The following JAKMIP2 variants were observed in gnomAD, a reference collection of about 807,000 sequenced individuals.
JAKMIP2 encodes the protein janus kinase and microtubule interacting protein 2, also known as janus kinase and microtubule-interacting protein 2.
In JAKMIP2, 25 loss-of-function variants were observed where a neutral mutation model predicts 115.0. The ratio of observed to expected loss-of-function variants is 0.22; its 90% CI spans 0.16 to 0.30. The LOEUF is 0.30. Ranked by LOEUF, JAKMIP2 falls within the 10% of genes least tolerant of loss-of-function variation. JAKMIP2 has a pLI of 1.00. For synonymous variants in JAKMIP2, 334 were observed against 343.6 expected (o/e 0.97, Z 0.31); for missense variants, 642 against 957.6 (o/e 0.67, Z 4.35).
chr5:147,768,787 A>T (rs1436899946), intron 1 of JAKMIP2, among the ~76,000 whole-genome samples: 1 of 152,194 alleles, frequency 6.6e-6, no homozygotes. Context: ...TTTATGGCAA[A>T]TGTTAAAGTA....
chr5:147,589,600 C>T lies in JAKMIP2; in HGVS notation c.*2107G>A, dbSNP rs887886770. On this transcript the variant is annotated 3_prime_UTR_variant, in exon 22 of 22. Coordinates refer to ENST00000616793, the MANE Select transcript of JAKMIP2 (RefSeq NM_001270941.2). ...AAGCCTTTGTTTAATGACTGGCTCT[C>T]CTGTGGTAAAAGTGGGGTTCTGTAT... is the stretch of plus-strand genomic sequence containing the variant. The T allele has an allele frequency of 1.3e-5, 2 of 152,104 alleles. No homozygotes were observed. 9.4% of individuals were successfully genotyped at this position (152,104 alleles called of 1,614,324 possible). A position where few individuals can be genotyped will look rare whatever the true frequency, so the allele number is the denominator to read the frequency against.
chr5:147,661,946 G>C (rs917519808), intron 2 of JAKMIP2: 2 of 154,542 alleles, frequency 1.3e-5, no homozygotes, highest in African/African-American at 4.8e-5. Flanking sequence ...ACTGATAAAT[G>C]TGTGTCTTAG....
rs1754940778 is a variant in JAKMIP2 at position 147,587,900 on chromosome 5, G to C, written c.*3807C>G. ...CCTTCTATATCAGCTCTACCTTATGGACTTGGGAAGACACATACAACCTGT... is the reference window on the plus strand; with the variant it reads ...CCTTCTATATCAGCTCTACCTTATGCACTTGGGAAGACACATACAACCTGT... On this transcript the variant is annotated 3_prime_UTR_variant, in exon 22 of 22. Transcript: ENST00000616793. 1 of 149,728 alleles carries C rather than the reference G, an allele frequency of 6.7e-6. No homozygotes were observed. Among genetic ancestry groups the C allele is most frequent in the Non-Finnish European group, 1.5e-5 (1 of 67,800 alleles). The allele number at this position is 149,728 out of a possible 1,614,324, so 9.3% of individuals were successfully genotyped here.
intron 1 of JAKMIP2, among the ~76,000 whole-genome samples, chr5:147,700,338 A>G (rs1335622390): frequency 6.6e-6 from 1 of 152,170 alleles, no homozygotes; most frequent in African/African-American, 2.4e-5. Context: ...AATTAAATGG[A>G]TGGTAAACAT....
intron 1 of JAKMIP2, among the ~76,000 whole-genome samples, chr5:147,774,063 C>A (rs1755464810): frequency 6.6e-6 from 1 of 152,022 alleles, no homozygotes; most frequent in South Asian, 2.1e-4. Context: ...AAAAAGAAGT[C>A]AAAATTCAAA....
rs567431719 is a variant in JAKMIP2 at position 147,621,338 on chromosome 5, C to CA, written c.2065-596dup. ...GCTTCTCATATTATCAGCATCTTGC[C>CA]ATTAGCACTTAAAACTATATTTTGG... On this transcript the variant is annotated intron_variant, in intron 17 of 21. Transcript: ENST00000616793. Among the ~76,000 whole-genome samples, 45 of 152,314 alleles carry CA rather than the reference C, an allele frequency of 3.0e-4. 1 individual carries two copies. The East Asian group carries it at 8.7e-3, about 29-fold the overall frequency.
At chr5:147,766,837 G>A (rs1755174101) in intron 1 of JAKMIP2, among the ~76,000 whole-genome samples, 1 of 152,156 alleles carries the variant, frequency 6.6e-6, no homozygotes. Flanking sequence ...CTTCCTGAAT[G>A]TGCAAGTGCA....
intron 1 of JAKMIP2, among the ~76,000 whole-genome samples, chr5:147,723,126 C>G (rs1013326934): frequency 6.6e-6 from 1 of 152,054 alleles, no homozygotes; most frequent in Non-Finnish European, 1.5e-5. Context: ...GTTGGCTTTC[C>G]TAAGCTACTT....
At chr5:147,772,878 G>C (rs1011979896) in intron 1 of JAKMIP2, among the ~76,000 whole-genome samples, 1 of 151,996 alleles carries the variant, frequency 6.6e-6, no homozygotes, top group Non-Finnish European at 1.5e-5. Context: ...TCACCAGCCT[G>C]CTGTGAGAAC....
intron 1 of JAKMIP2, among the ~76,000 whole-genome samples, chr5:147,763,860 A>G (rs1755018778): frequency 6.6e-6 from 1 of 152,156 alleles, no homozygotes; most frequent in African/African-American, 2.4e-5. Flanking sequence ...GATGTTTGCT[A>G]CCACAAAAAT....
chr5:147,606,916 G>T (rs1292292366), intron 20 of JAKMIP2, among the ~76,000 whole-genome samples: 1 of 152,036 alleles, frequency 6.6e-6, no homozygotes, highest in Non-Finnish European at 1.5e-5. Flanking sequence ...TGTATTCCTA[G>T]GTATTTTATT....
chr5:147,730,873 T>C (rs1422562119), intron 1 of JAKMIP2, among the ~76,000 whole-genome samples: 1 of 152,210 alleles, frequency 6.6e-6, no homozygotes, highest in African/African-American at 2.4e-5. Context: ...TTCTTGGCTA[T>C]ACATTCCCAC....
In JAKMIP2 at chr5:147,591,549, A is replaced by G; in HGVS notation, c.*158T>C. The G allele has an allele frequency of 1.3e-6, 1 of 795,696 alleles. No homozygotes were observed. Among genetic ancestry groups the G allele is most frequent in the Non-Finnish European group, 2.1e-6 (1 of 467,536 alleles). 49.3% of individuals were successfully genotyped at this position (795,696 alleles called of 1,614,324 possible). On this transcript the variant is annotated 3_prime_UTR_variant, in exon 22 of 22. Transcript: ENST00000616793. Reference sequence around the variant, plus strand: ...GTAAGAAACCTTGAATAATGGCTTTAAAATACACAGTTGTAGTCCTGGCTA... The same window carrying G: ...GTAAGAAACCTTGAATAATGGCTTTGAAATACACAGTTGTAGTCCTGGCTA...
Position 147,601,831 on chromosome 5 carries a change from A to T in JAKMIP2, c.2413-20T>A, listed in dbSNP as rs998824922. On this transcript the variant is annotated intron_variant, in intron 20 of 21. Coordinates refer to ENST00000616793, the MANE Select transcript of JAKMIP2 (RefSeq NM_001270941.2). Reference sequence around the variant, plus strand: ...CAGAAACTGCAGAAGAAAAAGAAGAAGATTATGTAAATCTGAATTTCTGTA... The same window carrying T: ...CAGAAACTGCAGAAGAAAAAGAAGATGATTATGTAAATCTGAATTTCTGTA... The T allele has an allele frequency of 1.1e-5, 13 of 1,135,110 alleles. No homozygotes were observed. The highest frequency in any genetic ancestry group is 1.6e-5 in the African/African-American group (1 of 63,624). The allele number at this position is 1,135,110 out of a possible 1,614,324, so 70.3% of individuals were successfully genotyped here. A position where few individuals can be genotyped will look rare whatever the true frequency, so the allele number is the denominator to read the frequency against.
intron 9 of JAKMIP2, 109 bp from the exon 10 acceptor site, chr5:147,639,869 T>G: frequency 1.5e-6 from 2 of 1,296,744 alleles, no homozygotes; most frequent in Non-Finnish European, 2.1e-6. Context: ...AAAGGTTGTT[T>G]AACAGTCTAT....
chr5:147,667,089 G>A lies in JAKMIP2; in HGVS notation c.129+4589C>T, dbSNP rs144100318. Among the ~76,000 whole-genome samples, 602 of 152,196 alleles carry A rather than the reference G, an allele frequency of 4.0e-3. 5 individuals carry two copies. Among genetic ancestry groups the A allele is most frequent in the African/African-American group, 0.014 (577 of 41,510 alleles). ...TCAAAGATAAAGCTGAGTTTCTTCA[G>A]TACGTATTGTGTTCTCTGGCATTGG... On this transcript the variant is annotated intron_variant, in intron 2 of 21. Coordinates refer to ENST00000616793, the MANE Select transcript of JAKMIP2 (RefSeq NM_001270941.2).
intron 1 of JAKMIP2, among the ~76,000 whole-genome samples, chr5:147,759,812 A>T (rs904164933): frequency 1.3e-5 from 2 of 152,202 alleles, no homozygotes; most frequent in South Asian, 4.1e-4. Context: ...AATTTTGACA[A>T]TATTTAAAAG....
At chr5:147,775,714 C>T (rs1755529213) in intron 1 of JAKMIP2, among the ~76,000 whole-genome samples, 1 of 152,150 alleles carries the variant, frequency 6.6e-6, no homozygotes, top group African/African-American at 2.4e-5. Context: ...ATGAGAATCA[C>T]AGTTGAAAGA....
chr5:147,763,653 A>G (rs1346217634), intron 1 of JAKMIP2, among the ~76,000 whole-genome samples: 1 of 152,136 alleles, frequency 6.6e-6, no homozygotes, highest in Admixed American at 6.6e-5. Context: ...ACTGAAATAT[A>G]GAGAAGGTAG....
Sources: gnomAD v4.1 joint callset for allele counts (sites outside exome capture counted in the v4.1 genomes callset) on GRCh38, gnomAD v4.1.1 for gene constraint, MANE v1.5 for transcripts, NCBI Gene and HGNC (gene_info 2026-07-23, HGNC 2026-07-21) for gene names.